Variants in DAAM1 observed in about 807,000 individuals in gnomAD.
The protein encoded by DAAM1 is disheveled-associated activator of morphogenesis 1.
Under a neutral mutation model 130.0 loss-of-function variants are expected in DAAM1, and 52 were observed. That is an observed-to-expected ratio of 0.40 (90% CI 0.32 to 0.50). The LOEUF (loss-of-function observed/expected upper bound fraction) is 0.50. Ranked by LOEUF, DAAM1 falls within the 20% of genes least tolerant of loss-of-function variation. DAAM1 has a pLI of 0.61. For synonymous variants in DAAM1, 452 were observed against 444.5 expected, an observed-to-expected ratio of 1.02 and a Z score of -0.21; for missense variants, 1,134 against 1,303.8, an observed-to-expected ratio of 0.87 and a Z score of 2.01.
Position 59,195,141 on chromosome 14 carries a change from C to CT in DAAM1, c.-38+6395dup, listed in dbSNP as rs33934407. 8.6e-3 allele frequency among the ~76,000 whole-genome samples: 846 copies of CT among 98,144 alleles called. 20 individuals are homozygous for CT. The highest frequency in any genetic ancestry group is 0.027 in the African/African-American group (635 of 23,656). 64.4% of individuals were successfully genotyped at this position (98,144 alleles called of 152,430 possible). A position where few individuals can be genotyped will look rare whatever the true frequency, so the allele number is the denominator to read the frequency against. ...TTTCTTAATCATTCATCTTGTTATACTTTTTTTTTTTTTTTTTTTTTTGAG... is the reference window on the plus strand; with the variant it reads ...TTTCTTAATCATTCATCTTGTTATACTTTTTTTTTTTTTTTTTTTTTTTGAG... On this transcript the variant is annotated intron_variant, in intron 1 of 24. Coordinates refer to ENST00000360909, the MANE Select transcript of DAAM1 (RefSeq NM_001270520.2).
chr14:59,335,551 A>G (rs919408354), intron 15 of DAAM1, among the ~76,000 whole-genome samples: 10 of 152,180 alleles, frequency 6.6e-5, no homozygotes, highest in Non-Finnish European at 1.5e-4. Flanking sequence ...CTCTCTATCC[A>G]TACAATTGAA....
At chr14:59,342,110 G>T (rs1469298795) in intron 16 of DAAM1, among the ~76,000 whole-genome samples, 2 of 152,176 alleles carry the variant, frequency 1.3e-5, no homozygotes, top group Non-Finnish European at 2.9e-5. Context: ...AGGTGACTTA[G>T]AACTTGAATG....
chr14:59,363,090 C>T (rs1314828352), intron 22 of DAAM1: 1 of 152,612 alleles, frequency 6.6e-6, no homozygotes, highest in Admixed American at 6.5e-5. Flanking sequence ...TAACAAGAGA[C>T]TAATTCCCCT....
intron 20 of DAAM1, among the ~76,000 whole-genome samples, chr14:59,356,285 C>T (rs182050116): frequency 3.9e-5 from 6 of 152,336 alleles, no homozygotes; most frequent in Admixed American, 3.9e-4. Context: ...TTCTGGCAAC[C>T]TTAAATCCAT....
intron 5 of DAAM1, 100 bp from the exon 6 acceptor site, chr14:59,322,792 G>A (rs926057579): frequency 1.0e-6 from 1 of 968,222 alleles, no homozygotes; most frequent in Non-Finnish European, 1.6e-6. Flanking sequence ...TGGCACTTTA[G>A]GAACTAAATC....
chr14:59,324,409 C>A lies in DAAM1; in HGVS notation c.944C>A (p.Pro315His), dbSNP rs781215515. 6.3e-7 allele frequency: 1 copy of A among 1,596,756 alleles called. No homozygotes were observed. Among genetic ancestry groups the A allele is most frequent in the Non-Finnish European group, 8.5e-7 (1 of 1,171,462 alleles). The part of the protein sequence containing the change: ...RYEFLMLGIQ[P>H]VIDKLREHEN... ...GAATTTCTGATGTTAGGAATTCAAC[C>A]TGTAATAGATAAATTAAGGGAACAC... is the stretch of plus-strand genomic sequence containing the variant. The change falls in exon 8 of 25, where the codon CCT (proline) becomes CAT (histidine). Residue 315 changes from proline to histidine, a missense_variant. By Grantham distance (77) the Pro-to-His change is moderately conservative. Coordinates refer to ENST00000360909, the MANE Select transcript of DAAM1 (RefSeq NM_001270520.2).
At chr14:59,237,030 A>G (rs1889325667) in intron 1 of DAAM1, among the ~76,000 whole-genome samples, 1 of 152,118 alleles carries the variant, frequency 6.6e-6, no homozygotes, top group Non-Finnish European at 1.5e-5. Context: ...ATAAAACTGT[A>G]TTTACCAAAA....
At chr14:59,201,284 G>A (rs1280653832) in intron 1 of DAAM1, among the ~76,000 whole-genome samples, 1 of 152,118 alleles carries the variant, frequency 6.6e-6, no homozygotes, top group Non-Finnish European at 1.5e-5. Context: ...GATGTGGGCT[G>A]GGTCTGGCTG....
intron 1 of DAAM1, among the ~76,000 whole-genome samples, chr14:59,226,287 C>T (rs1209736802): frequency 6.6e-6 from 1 of 152,126 alleles, no homozygotes; most frequent in African/African-American, 2.4e-5. Flanking sequence ...CAAGTAGCAC[C>T]AAAGGGGATA....
rs754547935 is a variant in DAAM1 at position 59,347,525 on chromosome 14, T to C, written c.2076-14T>C. ...CAAACCAATATGGTTAATAACAAAA[T>C]ATTCTTTCTCCAGGTTGAAATTATC... On this transcript the variant is annotated splice_polypyrimidine_tract_variant and intron_variant, in intron 16 of 24. Coordinates refer to ENST00000360909, the MANE Select transcript of DAAM1 (RefSeq NM_001270520.2). The C allele has an allele frequency of 2.4e-5, 38 of 1,611,178 alleles. No individual in the cohort carries two copies. The highest frequency in any genetic ancestry group is 3.2e-5 in the Non-Finnish European group (38 of 1,178,170).
chr14:59,212,659 A>T (rs1888462048), intron 1 of DAAM1, among the ~76,000 whole-genome samples: 1 of 152,234 alleles, frequency 6.6e-6, no homozygotes, highest in South Asian at 2.1e-4. Context: ...AATCCTGCCC[A>T]AGCAGCATTC....
At chr14:59,275,424 G>C (rs566083475) in intron 2 of DAAM1, among the ~76,000 whole-genome samples, 13 of 151,924 alleles carry the variant, frequency 8.6e-5, no homozygotes, top group South Asian at 8.3e-4. Context: ...CGTGTACCCC[G>C]AACTTAAAAG....
chr14:59,262,226 A>G (rs916774480), intron 1 of DAAM1, among the ~76,000 whole-genome samples: 3 of 152,176 alleles, frequency 2.0e-5, no homozygotes, highest in African/African-American at 7.2e-5. Context: ...TTTGCTGTCT[A>G]TCCTTCTGGA....
At chr14:59,262,653 A>AGTGTGTGTGTGT (rs5809025) in intron 1 of DAAM1, among the ~76,000 whole-genome samples, 71 of 140,866 alleles carry the variant, frequency 5.0e-4, no homozygotes, top group African/African-American at 1.3e-3. Flanking sequence ...ATATTCTATT[A>AGTGTGTGTGTGT]GTGTGTGTGT....
At chr14:59,253,096 G>A (rs919416960) in intron 1 of DAAM1, among the ~76,000 whole-genome samples, 10 of 152,008 alleles carry the variant, frequency 6.6e-5, no homozygotes, top group Middle Eastern at 3.2e-3. Context: ...TGAAATTTTC[G>A]TCTCATTGTG....
intron 2 of DAAM1, among the ~76,000 whole-genome samples, chr14:59,270,178 A>G (rs1882646611): frequency 6.6e-6 from 1 of 152,182 alleles, no homozygotes; most frequent in Non-Finnish European, 1.5e-5. Flanking sequence ...TCTTATCTTA[A>G]TCCATTTTAT....
Position 59,295,535 on chromosome 14 carries a change from A to C in DAAM1, c.273+4229A>C, listed in dbSNP as rs144303637. 2.4e-3 allele frequency among the ~76,000 whole-genome samples: 366 copies of C among 152,316 alleles called. 1 individual carries two copies. Among genetic ancestry groups the C allele is most frequent in the African/African-American group, 8.3e-3 (346 of 41,564 alleles). The stretch of plus-strand genomic sequence containing the variant: ...TCCACCACACGTACAAAAAGATTAA[A>C]GTTGTATTGTGTGTGGCCATTGGGA... On this transcript the variant is annotated intron_variant, in intron 3 of 24. Transcript: ENST00000360909.
intron 3 of DAAM1, among the ~76,000 whole-genome samples, chr14:59,309,501 CAG>C (rs1350727157): frequency 2.0e-5 from 3 of 152,200 alleles, no homozygotes; most frequent in East Asian, 3.8e-4. Flanking sequence ...ATCTAGCACA[CAG>C]GGGTTGACAA....
chr14:59,370,079 A>G lies in DAAM1; in HGVS notation c.*1220A>G, dbSNP rs1887098515. ...AGAAAATAAAATATAGATGCTTACC[A>G]TTAACCTACCAACTCTTAATATCCT... On this transcript the variant is annotated 3_prime_UTR_variant, in exon 25 of 25. Coordinates refer to ENST00000360909, the MANE Select transcript of DAAM1 (RefSeq NM_001270520.2). The G allele has an allele frequency of 6.6e-6, 1 of 151,354 alleles. No individual in the cohort carries two copies. Among genetic ancestry groups the G allele is most frequent in the African/African-American group, 2.4e-5 (1 of 41,290 alleles). 9.4% of individuals were successfully genotyped at this position (151,354 alleles called of 1,614,324 possible).
Sources: allele counts gnomAD v4.1 joint callset (sites outside exome capture counted in the v4.1 genomes callset), GRCh38; gene constraint gnomAD v4.1.1; transcripts MANE v1.5; gene names NCBI Gene and HGNC (gene_info 2026-07-23, HGNC 2026-07-21).